Variants in TCF24 observed in about 807,000 individuals in gnomAD.
TCF24 encodes transcription factor 24.
TCF24 carries 5 observed loss-of-function variants against 9.3 expected under a neutral mutation model. That is an observed-to-expected ratio of 0.54 (90% CI 0.28 to 1.13). TCF24 has a LOEUF of 1.13. Ranked by LOEUF, TCF24 falls within the 50% of genes most tolerant of loss-of-function variation. TCF24 has a pLI of 0.09. For synonymous variants in TCF24, 110 were observed against 115.8 expected (o/e 0.95, Z 0.32); for missense variants, 220 against 236.1 (o/e 0.93, Z 0.45).
chr8:66,953,835 T>C (rs1338747045), intron 3 of TCF24, among the ~76,000 whole-genome samples: 1 of 152,042 alleles, frequency 6.6e-6, no homozygotes, highest in Non-Finnish European at 1.5e-5. Flanking sequence ...TCTCGCTTCA[T>C]TTCATTCATT....
intron 3 of TCF24, among the ~76,000 whole-genome samples, chr8:66,950,409 T>A (rs1173441599): frequency 2.6e-5 from 4 of 152,296 alleles, no homozygotes; most frequent in East Asian, 3.9e-4. Flanking sequence ...GATCAGATAG[T>A]TGTAGATATG....
chr8:66,961,735 G>C lies in TCF24; in HGVS notation c.31C>G (p.Leu11Val), dbSNP rs1437329332. Residue 11 changes from leucine (L) to valine (V), a missense_variant, in exon 3 of 4, where the codon CTC becomes GTC. By Grantham distance (32) the Leu-to-Val change is conservative (BLOSUM62 1). Coordinates refer to ENST00000563496, the MANE Select transcript of TCF24 (RefSeq NM_001193502.2). Reference protein sequence around the residue: MDRGRPAGSPLSASAEPAPLA... With the variant: MDRGRPAGSPVSASAEPAPLA... ...GGCGCGGGCTCGGCGCTGGCGCTGA[G>C]GGGGCTGCCCGCTGGGCGGCCGCGG... 4 of 1,105,608 alleles carry C rather than the reference G, an allele frequency of 3.6e-6. No homozygotes were observed. The highest frequency in any genetic ancestry group is 4.4e-6 in the Non-Finnish European group (4 of 907,814). The allele number at this position is 1,105,608 out of a possible 1,614,324, so 68.5% of individuals were successfully genotyped here.
chr8:66,948,232 A>G (rs1813993534), intron 3 of TCF24, 68 bp from the exon 4 acceptor site: 4 of 1,109,310 alleles, frequency 3.6e-6, no homozygotes, highest in East Asian at 5.4e-5. Flanking sequence ...ATGGTCTACA[A>G]TGTTAAAGAT....
At chr8:66,948,871 T>C (rs560036524) in intron 3 of TCF24, among the ~76,000 whole-genome samples, 1 of 152,206 alleles carries the variant, frequency 6.6e-6, no homozygotes, top group African/African-American at 2.4e-5. Context: ...AATTTTTGTA[T>C]TTTTAGTAGA....
intron 3 of TCF24, among the ~76,000 whole-genome samples, chr8:66,948,937 C>A (rs929718410): frequency 4.0e-4 from 61 of 152,150 alleles, no homozygotes; most frequent in African/African-American, 1.4e-3. Context: ...CTCAAGTGAT[C>A]CACCCGCCTC....
chr8:66,950,421 G>C (rs372984945), intron 3 of TCF24, among the ~76,000 whole-genome samples: 2 of 149,988 alleles, frequency 1.3e-5, no homozygotes, highest in East Asian at 4.1e-4. Context: ...GTAGATATGC[G>C]GCGTTATTTC....
chr8:66,951,378 A>C (rs1311422107), intron 3 of TCF24, among the ~76,000 whole-genome samples: 3 of 143,342 alleles, frequency 2.1e-5, no homozygotes, highest in Non-Finnish European at 4.5e-5. Context: ...GGCTCTGTTT[A>C]TATGCTGGAT....
rs143797513 is a variant in TCF24, at chr8:66,958,110, G to C, written c.390+3266C>G. On this transcript the variant is annotated intron_variant, in intron 3 of 3. Transcript: ENST00000563496. ...GTGTCCTTGATTTTCAAAAAGGCTT[G>C]TAATGATTTTATTGAACTTAATTTA... 3.2e-3 allele frequency among the ~76,000 whole-genome samples: 494 copies of C among 152,100 alleles called. 3 individuals are homozygous for C. The highest frequency in any genetic ancestry group is 0.011 in the African/African-American group (449 of 41,504).
At chr8:66,948,940 CCCGCCTCAG>C (rs1814010859) in intron 3 of TCF24, among the ~76,000 whole-genome samples, 1 of 152,142 alleles carries the variant, frequency 6.6e-6, no homozygotes, top group Non-Finnish European at 1.5e-5. Flanking sequence ...AAGTGATCCA[CCCGCCTCAG>C]CCTCCCAAAG....
intron 3 of TCF24, among the ~76,000 whole-genome samples, chr8:66,954,175 C>T (rs1585943347): frequency 6.6e-6 from 1 of 152,324 alleles, no homozygotes; most frequent in South Asian, 2.1e-4. Flanking sequence ...AGGTGCTCTG[C>T]ATTTTAGAGT....
chr8:66,947,944 G>C lies in TCF24; in HGVS notation c.*107C>G. On this transcript the variant is annotated 3_prime_UTR_variant, in exon 4 of 4. Coordinates refer to ENST00000563496, the MANE Select transcript of TCF24 (RefSeq NM_001193502.2). Reference sequence around the variant, plus strand: ...TGAACATCCAACTATGGGTTCACATGTAAACTTTCAGAAATTTTGTTATGT... The same window carrying C: ...TGAACATCCAACTATGGGTTCACATCTAAACTTTCAGAAATTTTGTTATGT... 1 of 782,444 alleles carries C rather than the reference G, an allele frequency of 1.3e-6. No individual in the cohort carries two copies. 48.5% of individuals were successfully genotyped at this position (782,444 alleles called of 1,614,324 possible). A position where few individuals can be genotyped will look rare whatever the true frequency, so the allele number is the denominator to read the frequency against.
intron 3 of TCF24, among the ~76,000 whole-genome samples, chr8:66,953,546 A>G (rs1814092135): frequency 6.7e-6 from 1 of 149,496 alleles, no homozygotes; most frequent in Non-Finnish European, 1.5e-5. Context: ...CTTCATTTCA[A>G]CTTTGGTGAA....
chr8:66,954,674 C>T (rs1237080544), intron 3 of TCF24, among the ~76,000 whole-genome samples: 16 of 152,156 alleles, frequency 1.1e-4, no homozygotes, highest in Admixed American at 5.9e-4. Context: ...TGGGCAATGG[C>T]GGGCGCCCCT....
intron 3 of TCF24, among the ~76,000 whole-genome samples, chr8:66,956,168 A>T (rs1339179539): frequency 1.3e-5 from 2 of 152,060 alleles, no homozygotes; most frequent in Non-Finnish European, 2.9e-5. Flanking sequence ...CTTTGAGTTC[A>T]AGGGTGGTCT....
chr8:66,961,916 C>G lies in TCF24; in HGVS notation c.-63G>C, dbSNP rs1016551564. On this transcript the variant is annotated 5_prime_UTR_variant, in exon 2 of 4. Transcript: ENST00000563496. ...GGCTAAGGGCGCTCTCAAGCGAGCT[C>G]GTTTTGCCTGGGACGCGATTTGCTT... is the stretch of plus-strand genomic sequence containing the variant. 4 of 628,574 alleles carry G rather than the reference C, an allele frequency of 6.4e-6. No individual in the cohort carries two copies. Among genetic ancestry groups the G allele is most frequent in the African/African-American group, 2.0e-5 (1 of 50,388 alleles). The allele number at this position is 628,574 out of a possible 1,614,324, so 38.9% of individuals were successfully genotyped here.
intron 3 of TCF24, among the ~76,000 whole-genome samples, chr8:66,949,450 C>T (rs1814021715): frequency 6.6e-6 from 1 of 152,232 alleles, no homozygotes; most frequent in African/African-American, 2.4e-5. Context: ...TTTTTTATGG[C>T]TGCATAGTAT....
At chr8:66,950,203 A>T (rs1385165161) in intron 3 of TCF24, among the ~76,000 whole-genome samples, 3 of 149,944 alleles carry the variant, frequency 2.0e-5, no homozygotes, top group Non-Finnish European at 4.4e-5. Flanking sequence ...CTGAATGGTA[A>T]TGCCTAGGTT....
intron 3 of TCF24, among the ~76,000 whole-genome samples, chr8:66,958,488 C>T (rs1248932525): frequency 6.6e-6 from 1 of 152,142 alleles, no homozygotes; most frequent in East Asian, 1.9e-4. Flanking sequence ...CATGGTGAAA[C>T]TCCATGTCTA....
At chr8:66,956,386 C>T (rs113121104) in intron 3 of TCF24, among the ~76,000 whole-genome samples, 2 of 151,928 alleles carry the variant, frequency 1.3e-5, no homozygotes, top group South Asian at 4.2e-4. Context: ...TTTTTTGAGA[C>T]AGAGTCTTGC....
Sources: gnomAD v4.1 joint callset for allele counts (sites outside exome capture counted in the v4.1 genomes callset) on GRCh38, gnomAD v4.1.1 for gene constraint, MANE v1.5 for transcripts, NCBI Gene and HGNC (gene_info 2026-07-23, HGNC 2026-07-21) for gene names.